Variants in SUGCT observed in about 807,000 individuals in gnomAD.
SUGCT encodes the protein succinyl-CoA:glutarate CoA-transferase.
In SUGCT, 41 loss-of-function variants were observed where a neutral mutation model predicts 55.0. That is an observed-to-expected ratio of 0.74 (90% CI 0.58 to 0.97). The LOEUF (loss-of-function observed/expected upper bound fraction) is 0.97. Among genes scored for constraint, SUGCT ranks in the 50% least tolerant of loss-of-function variants. SUGCT has a pLI of 0.00. For missense variants in SUGCT, 568 were observed against 547.8 expected, an observed-to-expected ratio of 1.04 and a Z score of -0.37; for synonymous variants, 187 against 200.4, an observed-to-expected ratio of 0.93 and a Z score of 0.56.
the SUGCT span, among the ~76,000 whole-genome samples, chr7:41,015,374 T>G: frequency 0.043 from 6,605 of 152,254 alleles, 161 homozygotes; most frequent in South Asian, 0.09. Context: ...GGCTGTTGCT[T>G]TAAGTGGTCA....
intron 9 of SUGCT, among the ~76,000 whole-genome samples, chr7:40,350,076 AT>A (rs1213930394): frequency 1.7e-4 from 26 of 152,136 alleles, no homozygotes; most frequent in Admixed American, 2.0e-4. Context: ...TTCATTTAGA[AT>A]ATACCTAGCA....
the SUGCT span, among the ~76,000 whole-genome samples, chr7:40,909,205 G>C: frequency 6.6e-6 from 1 of 152,062 alleles, no homozygotes; most frequent in African/African-American, 2.4e-5. Flanking sequence ...GTTCCTTCTC[G>C]GGTCACCTGG....
intron 12 of SUGCT, among the ~76,000 whole-genome samples, chr7:40,661,819 T>TGGCTTCTTTTTCTCTACC (rs1462233878): frequency 6.6e-6 from 1 of 152,196 alleles, no homozygotes; most frequent in African/African-American, 2.4e-5. Context: ...TCTTCTTTGC[T>TGGCTTCTTTTTCTCTACC]GGCTTCTTTT....
rs151151561 is a variant in SUGCT at position 40,154,420 on chromosome 7, T to G, written c.100+19300T>G. Among the ~76,000 whole-genome samples the G allele has an allele frequency of 4.4e-3, 675 of 152,328 alleles. 5 individuals carry two copies. The highest frequency in any genetic ancestry group is 0.015 in the African/African-American group (625 of 41,578). On this transcript the variant is annotated intron_variant, in intron 1 of 13. Transcript: ENST00000335693. ...CAATTAGTATTTTGCTTAAAATGCTTTTAAAGATGCCTAGTGAAAAGCCTA... is the reference window on the plus strand; with the variant it reads ...CAATTAGTATTTTGCTTAAAATGCTGTTAAAGATGCCTAGTGAAAAGCCTA...
At chr7:40,782,041 T>C (rs1789777991) in intron 13 of SUGCT, among the ~76,000 whole-genome samples, 1 of 152,154 alleles carries the variant, frequency 6.6e-6, no homozygotes, top group South Asian at 2.1e-4. Context: ...TTTTGGGTAA[T>C]TTTTATCTTC....
intron 9 of SUGCT, among the ~76,000 whole-genome samples, chr7:40,359,262 T>C (rs1798034341): frequency 6.6e-6 from 1 of 152,214 alleles, no homozygotes; most frequent in Non-Finnish European, 1.5e-5. Context: ...TGGAGTGCAA[T>C]AGTGCTATCT....
intron 12 of SUGCT, among the ~76,000 whole-genome samples, chr7:40,670,686 C>T (rs1801897259): frequency 6.6e-6 from 1 of 152,006 alleles, no homozygotes; most frequent in Non-Finnish European, 1.5e-5. Flanking sequence ...TGGAATTGGC[C>T]TCCTTTCAAA....
chr7:40,898,647 C>T, the SUGCT span, among the ~76,000 whole-genome samples: 1,177 of 151,982 alleles, frequency 7.7e-3, 7 homozygotes, highest in Non-Finnish European at 0.014. Context: ...TGGCGTGAAC[C>T]GTGGAGGCGG....
At chr7:40,463,167 T>A (rs1239311426) in intron 11 of SUGCT, among the ~76,000 whole-genome samples, 1 of 152,190 alleles carries the variant, frequency 6.6e-6, no homozygotes. Context: ...ACACTTTCCT[T>A]GCCTGATATT....
chr7:40,801,912 C>T (rs1257631857), intron 13 of SUGCT, among the ~76,000 whole-genome samples: 1 of 151,808 alleles, frequency 6.6e-6, no homozygotes, highest in African/African-American at 2.4e-5. Context: ...TTATATAGCT[C>T]TTGTGAACAA....
intron 11 of SUGCT, among the ~76,000 whole-genome samples, chr7:40,478,784 A>G (rs905191064): frequency 6.6e-6 from 1 of 152,146 alleles, no homozygotes; most frequent in Non-Finnish European, 1.5e-5. Flanking sequence ...ATTTGTCCTC[A>G]TAACAGAAAC....
At chr7:40,589,738 C>T (rs1368578548) in intron 12 of SUGCT, among the ~76,000 whole-genome samples, 1 of 152,142 alleles carries the variant, frequency 6.6e-6, no homozygotes, top group Non-Finnish European at 1.5e-5. Context: ...ATGTTAATAT[C>T]TCCATAAATA....
At chr7:40,658,691 A>G (rs1309402972) in intron 12 of SUGCT, among the ~76,000 whole-genome samples, 1 of 152,208 alleles carries the variant, frequency 6.6e-6, no homozygotes, top group Non-Finnish European at 1.5e-5. Flanking sequence ...GGATAGGCTT[A>G]CAATTATTTG....
At chr7:40,759,642 G>GTT (rs370376947) in intron 13 of SUGCT, among the ~76,000 whole-genome samples, 2 of 145,720 alleles carry the variant, frequency 1.4e-5, no homozygotes, top group East Asian at 2.0e-4. Flanking sequence ...CAACTATTGA[G>GTT]TTTTTTTTTT....
At chr7:40,173,685 A>C (rs1784786693) in intron 1 of SUGCT, among the ~76,000 whole-genome samples, 1 of 152,066 alleles carries the variant, frequency 6.6e-6, no homozygotes, top group Non-Finnish European at 1.5e-5. Context: ...CCCGTGTTTA[A>C]AGGTGGGTGT....
the SUGCT span, among the ~76,000 whole-genome samples, chr7:41,015,161 T>A: frequency 6.6e-6 from 1 of 152,108 alleles, no homozygotes; most frequent in Non-Finnish European, 1.5e-5. Flanking sequence ...AAAAGAGGAA[T>A]GGTGGAGCAG....
chr7:40,695,367 T>G (rs1026154850), intron 12 of SUGCT, among the ~76,000 whole-genome samples: 2 of 151,746 alleles, frequency 1.3e-5, no homozygotes, highest in African/African-American at 4.8e-5. Flanking sequence ...CTGGCTAATT[T>G]TTGTATTTTT....
intron 8 of SUGCT, among the ~76,000 whole-genome samples, chr7:40,305,176 G>C (rs34475179): frequency 0.16 from 24,204 of 152,108 alleles, 2,394 homozygotes; most frequent in Admixed American, 0.23. Flanking sequence ...CTTGGGCTTT[G>C]TCACTTCAGT....
chr7:40,975,027 T>A, the SUGCT span, among the ~76,000 whole-genome samples: 58,138 of 151,994 alleles, frequency 0.38, 11,208 homozygotes, highest in South Asian at 0.42. Flanking sequence ...GTCAATAAAC[T>A]CTTGTTATAG....
Sources: gnomAD v4.1 joint callset for allele counts (sites outside exome capture counted in the v4.1 genomes callset) on GRCh38, gnomAD v4.1.1 for gene constraint, MANE v1.5 for transcripts, NCBI Gene and HGNC (gene_info 2026-07-23, HGNC 2026-07-21) for gene names.